GNAL: variants seen among roughly 807,000 people sequenced by gnomAD.
GNAL encodes the protein guanine nucleotide-binding protein G(olf) subunit alpha.
A neutral mutation model predicts 55.1 loss-of-function variants in GNAL; 18 were observed. The observed-to-expected ratio is 0.33, with a 90% CI of 0.23 to 0.48. The LOEUF (loss-of-function observed/expected upper bound fraction) is 0.48, where lower values mean the gene tolerates loss of function less well. Ranked by LOEUF, GNAL falls within the 20% of genes least tolerant of loss-of-function variation. The probability of loss-of-function intolerance (pLI) is 0.99; values close to 1 mark genes in which losing one functional copy is unlikely to be tolerated. For synonymous variants in GNAL, 253 were observed against 237.0 expected (o/e 1.07, Z -0.62); for missense variants, 412 against 614.1 (o/e 0.67, Z 3.48).
intron 4 of GNAL, among the ~76,000 whole-genome samples, chr18:11,777,068 CTT>C (rs1430886200): frequency 6.6e-6 from 1 of 152,162 alleles, no homozygotes; most frequent in Admixed American, 6.5e-5. Flanking sequence ...CCTCGGTCCT[CTT>C]TAAAAAAATT....
intron 11 of GNAL, among the ~76,000 whole-genome samples, chr18:11,877,709 G>A (rs986738242): frequency 1.3e-5 from 2 of 152,122 alleles, no homozygotes; most frequent in South Asian, 2.1e-4. Flanking sequence ...GCTGATCCTC[G>A]GCTGTGGGGC....
chr18:11,725,520 C>T (rs562971560), intron 1 of GNAL, among the ~76,000 whole-genome samples: 1 of 152,318 alleles, frequency 6.6e-6, no homozygotes, highest in South Asian at 2.1e-4. Context: ...ATCCTTTTGG[C>T]TTTTCCAGAA....
At chr18:11,813,980 T>C (rs571988126) in intron 4 of GNAL, among the ~76,000 whole-genome samples, 1 of 152,286 alleles carries the variant, frequency 6.6e-6, no homozygotes, top group South Asian at 2.1e-4. Flanking sequence ...CAGGAGAAGC[T>C]GGATATCCCT....
intron 5 of GNAL, among the ~76,000 whole-genome samples, chr18:11,827,031 A>G (rs2035263751): frequency 6.6e-6 from 1 of 152,182 alleles, no homozygotes; most frequent in Non-Finnish European, 1.5e-5. Flanking sequence ...CAGAGGGCAC[A>G]GGTCGTCCGG....
chr18:11,839,569 A>AAAAAT (rs1555656666), intron 5 of GNAL, among the ~76,000 whole-genome samples: 10 of 150,400 alleles, frequency 6.6e-5, no homozygotes, highest in African/African-American at 2.4e-4. Context: ...AAAAAAAAAA[A>AAAAAT]TTTTTTTTCT....
rs118033542 is a variant in GNAL at position 11,784,303 on chromosome 18, A to G, written c.624+30358A>G. Among the ~76,000 whole-genome samples the G allele has an allele frequency of 7.9e-5, 12 of 152,310 alleles. No homozygotes were observed. In the East Asian group the frequency reaches 1.2e-3, roughly 15 times the overall value. On this transcript the variant is annotated intron_variant, in intron 4 of 11. Transcript: ENST00000334049. The stretch of plus-strand genomic sequence containing the variant: ...CCTTACCCCTAATCTGACTGCTTCT[A>G]AGTCTCCCTTGTCATCCACCATGGC...
At chr18:11,770,520 C>T (rs1473936688) in intron 4 of GNAL, among the ~76,000 whole-genome samples, 14 of 152,202 alleles carry the variant, frequency 9.2e-5, no homozygotes, top group South Asian at 6.2e-4. Context: ...CTCAGTCAAA[C>T]GAGTAATTTT....
intron 5 of GNAL, among the ~76,000 whole-genome samples, chr18:11,843,773 A>G (rs1413816500): frequency 6.6e-6 from 1 of 150,884 alleles, no homozygotes; most frequent in Non-Finnish European, 1.5e-5. Context: ...CGGGAGTTTG[A>G]GACCAGCCTG....
intron 4 of GNAL, among the ~76,000 whole-genome samples, chr18:11,776,043 C>T (rs949307172): frequency 6.6e-6 from 1 of 152,168 alleles, no homozygotes; most frequent in African/African-American, 2.4e-5. Flanking sequence ...ATAATTCGCC[C>T]CTCCATTGTC....
In GNAL at chr18:11,689,589, C is replaced by G; in HGVS notation, c.26C>G (p.Pro9Arg). 7.5e-7 allele frequency: 1 copy of G among 1,333,596 alleles called. No homozygotes were observed. The allele number at this position is 1,333,596 out of a possible 1,614,324, so 82.6% of individuals were successfully genotyped here. The change falls in exon 1 of 12, where the codon CCG becomes CGG. Residue 9 changes from proline (P) to arginine (R), a missense_variant. By Grantham distance (103) the Pro-to-Arg change is moderately radical. This residue lies in a region of GNAL where 228 missense variants were observed against 194.8 expected (regional missense o/e 1.17). Transcript: ENST00000334049. The stretch of plus-strand genomic sequence containing the variant: ...ATGGGTCTGTGCTACAGTCTGCGGC[C>G]GCTGCTTTTCGGGGGCCCAGGGGAC... MGLCYSLR[P>R]LLFGGPGDDP...
intron 5 of GNAL, among the ~76,000 whole-genome samples, chr18:11,829,467 T>C (rs896400133): frequency 1.3e-5 from 2 of 152,206 alleles, no homozygotes; most frequent in Non-Finnish European, 2.9e-5. Flanking sequence ...CAAATTCTTT[T>C]ACTTTGCCAA....
chr18:11,806,006 A>T (rs1032908783), intron 4 of GNAL, among the ~76,000 whole-genome samples: 1 of 152,074 alleles, frequency 6.6e-6, no homozygotes, highest in African/African-American at 2.4e-5. Flanking sequence ...CCTCCCCAGC[A>T]TGTTATTTTT....
intron 9 of GNAL, among the ~76,000 whole-genome samples, chr18:11,870,158 G>A (rs774232224): frequency 7.2e-5 from 11 of 152,110 alleles, no homozygotes; most frequent in South Asian, 2.1e-4. Flanking sequence ...AATCCCCCAC[G>A]GGTATCAAGG....
chr18:11,867,268 T>C, intron 8 of GNAL, 42 bp downstream of exon 8: 2 of 1,181,360 alleles, frequency 1.7e-6, no homozygotes, highest in Non-Finnish European at 2.5e-6. Context: ...GAGTGAATTC[T>C]AACACTCAGC....
chr18:11,749,151 A>C (rs959205063), intron 1 of GNAL, among the ~76,000 whole-genome samples: 3 of 124,884 alleles, frequency 2.4e-5, no homozygotes, highest in African/African-American at 1.0e-4. Flanking sequence ...AAAAAAAAAA[A>C]CCTCACCTTC....
intron 9 of GNAL, among the ~76,000 whole-genome samples, chr18:11,869,423 G>T (rs775031398): frequency 6.6e-6 from 1 of 152,100 alleles, no homozygotes; most frequent in Non-Finnish European, 1.5e-5. Context: ...GATTACAGGC[G>T]TGAGCCACCG....
chr18:11,861,895 CATTT>C (rs1012761850), intron 5 of GNAL, among the ~76,000 whole-genome samples: 15 of 152,066 alleles, frequency 9.9e-5, no homozygotes, highest in African/African-American at 3.6e-4. Flanking sequence ...CACTTTTACA[CATTT>C]ACTCTTGCAC....
chr18:11,709,639 A>T (rs1205034639), intron 1 of GNAL, among the ~76,000 whole-genome samples: 1 of 152,102 alleles, frequency 6.6e-6, no homozygotes, highest in Admixed American at 6.5e-5. Context: ...AACTGATTTT[A>T]TACATCAATT....
intron 5 of GNAL, among the ~76,000 whole-genome samples, chr18:11,862,086 G>A (rs568549022): frequency 4.6e-5 from 7 of 151,976 alleles, no homozygotes; most frequent in South Asian, 2.1e-4. Flanking sequence ...AGCCTTGGAC[G>A]GGAGGCTCCA....
Sources: gnomAD v4.1 joint callset for allele counts (sites outside exome capture counted in the v4.1 genomes callset) on GRCh38, gnomAD v4.1.1 for gene constraint, gnomAD v4.1.1 regional missense constraint, MANE v1.5 for transcripts, NCBI Gene and HGNC (gene_info 2026-07-23, HGNC 2026-07-21) for gene names.